LRRTM4: variants seen among roughly 807,000 people sequenced by gnomAD.
The protein encoded by LRRTM4 is leucine-rich repeat transmembrane neuronal protein 4.
In LRRTM4, 25 loss-of-function variants were observed where a neutral mutation model predicts 47.6. The ratio of observed to expected loss-of-function variants is 0.53; its 90% CI spans 0.38 to 0.73. The LOEUF is 0.73. Among genes scored for constraint, LRRTM4 ranks in the 30% least tolerant of loss-of-function variants. The pLI, the probability that LRRTM4 is intolerant of heterozygous loss-of-function variation, is 0.00. For missense variants in LRRTM4, 638 were observed against 713.4 expected, an observed-to-expected ratio of 0.89 and a Z score of 1.20; for synonymous variants, 311 against 269.5, an observed-to-expected ratio of 1.15 and a Z score of -1.51.
At chr2:77,207,815 C>T (rs1195038507) in intron 3 of LRRTM4, among the ~76,000 whole-genome samples, 1 of 141,686 alleles carries the variant, frequency 7.1e-6, no homozygotes, top group Non-Finnish European at 1.5e-5. Context: ...TTTTTGTATA[C>T]TCTGTTCCAT....
intron 3 of LRRTM4, among the ~76,000 whole-genome samples, chr2:76,999,110 A>G (rs140751992): frequency 0.02 from 3,076 of 151,888 alleles, 48 homozygotes; most frequent in Middle Eastern, 0.037. Flanking sequence ...GGGGAGGGGT[A>G]GTGTGTGTGC....
At chr2:76,842,598 A>G (rs1671716234) in intron 3 of LRRTM4, among the ~76,000 whole-genome samples, 1 of 152,216 alleles carries the variant, frequency 6.6e-6, no homozygotes, top group Admixed American at 6.5e-5. Context: ...ATATATTAAG[A>G]TAAAGTGTTG....
intron 3 of LRRTM4, among the ~76,000 whole-genome samples, chr2:76,787,684 C>T (rs1322325722): frequency 6.6e-6 from 1 of 151,954 alleles, no homozygotes; most frequent in Non-Finnish European, 1.5e-5. Flanking sequence ...TTGACTACAG[C>T]ACACTTATTC....
At chr2:77,073,242 TTCTTA>T (rs1294697951) in intron 3 of LRRTM4, among the ~76,000 whole-genome samples, 1 of 152,150 alleles carries the variant, frequency 6.6e-6, no homozygotes, top group Non-Finnish European at 1.5e-5. Context: ...TATAAGTATT[TTCTTA>T]TGTCATTAAC....
At chr2:76,933,310 T>C (rs1001252204) in intron 3 of LRRTM4, among the ~76,000 whole-genome samples, 2 of 152,152 alleles carry the variant, frequency 1.3e-5, no homozygotes, top group Non-Finnish European at 2.9e-5. Flanking sequence ...ATGGTATAAC[T>C]TGCCAATCAC....
At chr2:76,820,977 A>C (rs1054706440) in intron 3 of LRRTM4, among the ~76,000 whole-genome samples, 3 of 151,728 alleles carry the variant, frequency 2.0e-5, no homozygotes, top group Non-Finnish European at 4.4e-5. Flanking sequence ...TTGCATTGAA[A>C]TTAAACTGGT....
intron 3 of LRRTM4, among the ~76,000 whole-genome samples, chr2:76,902,926 AGG>A (rs1352502352): frequency 6.6e-6 from 1 of 151,516 alleles, no homozygotes; most frequent in East Asian, 1.9e-4. Context: ...CTCTATTTCC[AGG>A]GACTCTGAGT....
At chr2:77,303,634 G>C (rs1677197665) in intron 3 of LRRTM4, among the ~76,000 whole-genome samples, 1 of 152,080 alleles carries the variant, frequency 6.6e-6, no homozygotes, top group Non-Finnish European at 1.5e-5. Context: ...TGTTGAATGA[G>C]TAACCACCAT....
At chr2:77,404,542 C>T (rs1194000841) in intron 3 of LRRTM4, among the ~76,000 whole-genome samples, 1 of 151,890 alleles carries the variant, frequency 6.6e-6, no homozygotes, top group Non-Finnish European at 1.5e-5. Flanking sequence ...CTTAAAGTGG[C>T]AAAAGAGGCC....
At chr2:77,144,922 T>A (rs1672215616) in intron 3 of LRRTM4, among the ~76,000 whole-genome samples, 1 of 152,100 alleles carries the variant, frequency 6.6e-6, no homozygotes, top group African/African-American at 2.4e-5. Context: ...ATTTATGAAC[T>A]GGGGAAAAGG....
At chr2:77,333,766 C>G (rs1208557719) in intron 3 of LRRTM4, among the ~76,000 whole-genome samples, 1 of 152,150 alleles carries the variant, frequency 6.6e-6, no homozygotes, top group African/African-American at 2.4e-5. Flanking sequence ...TGAGGCACCA[C>G]CTAGGAAAGC....
chr2:77,323,087 G>A (rs1478674410), intron 3 of LRRTM4, among the ~76,000 whole-genome samples: 1 of 151,876 alleles, frequency 6.6e-6, no homozygotes, highest in South Asian at 2.1e-4. Context: ...GCTCCTGGGG[G>A]GAACCATGAT....
rs75072039 is a variant in LRRTM4, at chr2:77,412,015, C to G, written c.1551+106303G>C. Among the ~76,000 whole-genome samples, 21 of 152,248 alleles carry G rather than the reference C, an allele frequency of 1.4e-4. No homozygotes were observed. In the East Asian group the frequency reaches 3.9e-3, roughly 28 times the overall value. The stretch of plus-strand genomic sequence containing the variant: ...AACTGCTGTGGCATCAGCCATGCCT[C>G]AACCCCAGTCCCCCATAAGTACAAC... On this transcript the variant is annotated intron_variant, in intron 3 of 3. Coordinates refer to ENST00000409884, the MANE Select transcript of LRRTM4 (RefSeq NM_001134745.3).
chr2:76,874,698 C>T (rs1672729932), intron 3 of LRRTM4, among the ~76,000 whole-genome samples: 1 of 151,754 alleles, frequency 6.6e-6, no homozygotes. Flanking sequence ...GCAACACAAT[C>T]CTAATCACTG....
At chr2:76,792,197 C>G (rs1675010276) in intron 3 of LRRTM4, among the ~76,000 whole-genome samples, 1 of 151,842 alleles carries the variant, frequency 6.6e-6, no homozygotes, top group African/African-American at 2.4e-5. Context: ...AATACTTTAC[C>G]TGTAGTATAA....
intron 3 of LRRTM4, among the ~76,000 whole-genome samples, chr2:76,812,889 CA>C (rs899738964): frequency 6.7e-6 from 1 of 149,972 alleles, no homozygotes; most frequent in African/African-American, 2.5e-5. Flanking sequence ...TTAGTGGCCA[CA>C]CTGAATTTAT....
rs778249617 is a variant in LRRTM4, at chr2:76,748,764, G to T, written c.1704C>A (p.Asp568Glu). 1 of 1,613,984 alleles carries T rather than the reference G, an allele frequency of 6.2e-7. No homozygotes were observed. Among genetic ancestry groups the T allele is most frequent in the African/African-American group, 1.3e-5 (1 of 75,048 alleles). ...TGGCGATGGTGGCGATGAAGCTGTG[G>T]TCTCGGCCCAGCTCCAGGCCGGGGC... ...DESPGLELGR[D>E]HSFIATIARS... is the part of the protein sequence containing the mutation. Residue 568 changes from aspartate to glutamate, a missense_variant, in exon 4 of 4, where the codon GAC becomes GAA. Coordinates refer to ENST00000409884, the MANE Select transcript of LRRTM4 (RefSeq NM_001134745.3).
At chr2:76,873,529 TATATACAAC>T (rs1573240022) in intron 3 of LRRTM4, among the ~76,000 whole-genome samples, 2 of 145,924 alleles carry the variant, frequency 1.4e-5, no homozygotes, top group East Asian at 4.0e-4. Context: ...TATATATATA[TATATACAAC>T]ATAGTTGTAA....
At chr2:77,494,362 T>A (rs1377177751) in intron 3 of LRRTM4, among the ~76,000 whole-genome samples, 2 of 152,092 alleles carry the variant, frequency 1.3e-5, no homozygotes, top group African/African-American at 4.8e-5. Context: ...TACCAACTCA[T>A]TGTGATGTTG....
Sources: gnomAD v4.1 joint callset for allele counts (sites outside exome capture counted in the v4.1 genomes callset) on GRCh38, gnomAD v4.1.1 for gene constraint, MANE v1.5 for transcripts, NCBI Gene and HGNC (gene_info 2026-07-23, HGNC 2026-07-21) for gene names.